The following ATXN2 variants were observed in gnomAD, a reference collection of about 807,000 sequenced individuals.
ATXN2 encodes ataxin-2.
Under a neutral mutation model 138.6 loss-of-function variants are expected in ATXN2, and 37 were observed. The observed-to-expected ratio is 0.27, with a 90% CI of 0.21 to 0.35. The LOEUF is 0.35. Ranked by LOEUF, ATXN2 falls within the 10% of genes least tolerant of loss-of-function variation. The probability of loss-of-function intolerance (pLI) is 1.00; values close to 1 mark genes in which losing one functional copy is unlikely to be tolerated. For missense variants in ATXN2, 1,216 were observed against 1,480.3 expected (o/e 0.82, Z 2.93); for synonymous variants, 549 against 543.7 (o/e 1.01, Z -0.13).
At chr12:111,503,842 A>G (rs1878941836) in intron 14 of ATXN2, among the ~76,000 whole-genome samples, 1 of 152,036 alleles carries the variant, frequency 6.6e-6, no homozygotes, top group Non-Finnish European at 1.5e-5. Flanking sequence ...CACCCGCCTC[A>G]GCCTCCCAAA....
intron 5 of ATXN2, among the ~76,000 whole-genome samples, chr12:111,544,603 G>A (rs999561957): frequency 6.6e-6 from 1 of 152,184 alleles, no homozygotes; most frequent in East Asian, 1.9e-4. Flanking sequence ...GGCAGTGTGT[G>A]TCATGTGGCA....
chr12:111,561,486 G>A (rs1297131215), intron 1 of ATXN2, among the ~76,000 whole-genome samples: 5 of 152,002 alleles, frequency 3.3e-5, no homozygotes, highest in Non-Finnish European at 7.4e-5. Flanking sequence ...GGCAACAAGA[G>A]CAAACCTCCG....
intron 5 of ATXN2, among the ~76,000 whole-genome samples, chr12:111,529,101 T>C (rs1880663952): frequency 6.6e-6 from 1 of 151,944 alleles, no homozygotes. Flanking sequence ...ATTACAGGCA[T>C]GAGCCACTAT....
Position 111,552,978 on chromosome 12 carries a change from C to A in ATXN2, c.349-1G>T. On this transcript the variant is annotated splice_acceptor_variant, in intron 3 of 24. Transcript: ENST00000673436. LOFTEE classifies it high-confidence loss of function. The surrounding 1 kb of genome is among the most constrained non-coding windows in gnomAD (Gnocchi z 4.1). ...TCACTTGTACTTCACATTTGGAGCC[C>A]TAAAAACATATAATTTATTTATCAA... 1 of 1,536,238 alleles carries A rather than the reference C, an allele frequency of 6.5e-7. No homozygotes were observed. Among genetic ancestry groups the A allele is most frequent in the Admixed American group, 2.2e-5 (1 of 45,004 alleles).
At chr12:111,456,906 C>A (rs1241562009) in intron 22 of ATXN2, among the ~76,000 whole-genome samples, 1 of 152,050 alleles carries the variant, frequency 6.6e-6, no homozygotes, top group Non-Finnish European at 1.5e-5. Context: ...CACCACCACG[C>A]CCGGCTAATT....
rs74723267 is a variant in ATXN2, at chr12:111,533,246, T to C, written c.572-7930A>G. ...AATGATCCATTTGAAAATAAATTAT[T>C]CCAACACACACTACAGTTGTCCTTC... On this transcript the variant is annotated intron_variant, in intron 5 of 24. Transcript: ENST00000673436. 5.3e-3 allele frequency among the ~76,000 whole-genome samples: 809 copies of C among 152,244 alleles called. 3 individuals carry two copies. Among genetic ancestry groups the C allele is most frequent in the Non-Finnish European group, 7.3e-3 (497 of 68,012 alleles).
At chr12:111,521,967 C>T (rs1317552552) in intron 6 of ATXN2, among the ~76,000 whole-genome samples, 2 of 152,072 alleles carry the variant, frequency 1.3e-5, no homozygotes, top group Non-Finnish European at 2.9e-5. Flanking sequence ...TAAAGCCTTA[C>T]TGGTGAAAAG....
At chr12:111,468,464 C>T (rs1188940741) in intron 20 of ATXN2, 3 of 152,124 alleles carry the variant, frequency 2.0e-5, no homozygotes, top group Non-Finnish European at 4.4e-5. Context: ...AAACTAAACA[C>T]CTTTGATCAT....
chr12:111,460,810 C>G (rs901035882), intron 21 of ATXN2, among the ~76,000 whole-genome samples: 4 of 152,162 alleles, frequency 2.6e-5, no homozygotes, highest in African/African-American at 9.6e-5. Flanking sequence ...TTTTACTATG[C>G]ATTTTTAAAA....
chr12:111,479,453 GTGC>G (rs1566015233), intron 18 of ATXN2, among the ~76,000 whole-genome samples: 1 of 148,976 alleles, frequency 6.7e-6, no homozygotes, highest in Admixed American at 6.7e-5. Flanking sequence ...GTGGTGGCAC[GTGC>G]CTGTAATCCC....
chr12:111,507,886 T>C (rs559221897), intron 14 of ATXN2, among the ~76,000 whole-genome samples: 41 of 152,238 alleles, frequency 2.7e-4, no homozygotes, highest in Non-Finnish European at 5.3e-4. Context: ...CTCTGAAACA[T>C]GTGCTGTGTC....
At chr12:111,588,991 CAAAAAAAAAAAAAAAAAAAAAAAAAAA>C (rs58116265) in intron 1 of ATXN2, among the ~76,000 whole-genome samples, 1 of 38,684 alleles carries the variant, frequency 2.6e-5, no homozygotes, top group South Asian at 2.4e-3. Context: ...CGAGATTTCT[CAAAAAAAAAAAAAAAAAAAAAAAAAAA>C]AAAAAACTAA....
At chr12:111,561,097 A>G (rs1882660418) in intron 1 of ATXN2, among the ~76,000 whole-genome samples, 1 of 151,834 alleles carries the variant, frequency 6.6e-6, no homozygotes, top group Admixed American at 6.6e-5. Context: ...AGGCAGGACA[A>G]TGGTGTGAAC....
intron 20 of ATXN2, chr12:111,469,892 A>C: frequency 2.0e-6 from 1 of 511,572 alleles, no homozygotes; most frequent in Non-Finnish European, 3.4e-6. Flanking sequence ...TTTTAGTTAA[A>C]GCAGGAAAGA....
chr12:111,503,455 T>C (rs1878907741), intron 14 of ATXN2, among the ~76,000 whole-genome samples: 3 of 152,106 alleles, frequency 2.0e-5, no homozygotes, highest in African/African-American at 7.2e-5. Context: ...CATACAAGCA[T>C]GAAGAACAGC....
At chr12:111,538,181 A>G (rs1341177915) in intron 5 of ATXN2, among the ~76,000 whole-genome samples, 1 of 152,186 alleles carries the variant, frequency 6.6e-6, no homozygotes, top group Non-Finnish European at 1.5e-5. Context: ...AGTGAGATAA[A>G]ATAGAAAAAA....
At chr12:111,479,833 C>T (rs1267849874) in intron 18 of ATXN2, among the ~76,000 whole-genome samples, 1 of 146,870 alleles carries the variant, frequency 6.8e-6, no homozygotes, top group Non-Finnish European at 1.5e-5. Flanking sequence ...ACCTCTGTTA[C>T]ACGCTGTTTG....
At chr12:111,565,127 A>C (rs1211519726) in intron 1 of ATXN2, among the ~76,000 whole-genome samples, 1 of 152,028 alleles carries the variant, frequency 6.6e-6, no homozygotes, top group Non-Finnish European at 1.5e-5. Flanking sequence ...TCCTTTAAGT[A>C]ATGCTTTATA....
At chr12:111,474,046 C>A (rs1037844610) in intron 18 of ATXN2, among the ~76,000 whole-genome samples, 2 of 152,180 alleles carry the variant, frequency 1.3e-5, no homozygotes, top group Non-Finnish European at 2.9e-5. Flanking sequence ...GAATTCGAAA[C>A]CCTGTCTCTA....
Sources: allele counts gnomAD v4.1 joint callset (sites outside exome capture counted in the v4.1 genomes callset), GRCh38; gene constraint gnomAD v4.1.1; non-coding constraint Gnocchi (gnomAD v3.1); transcripts MANE v1.5; gene names NCBI Gene and HGNC (gene_info 2026-07-23, HGNC 2026-07-21).